The following UNC80 variants were observed in gnomAD, a reference collection of about 807,000 sequenced individuals.
The protein encoded by UNC80 is protein unc-80 homolog.
Under a neutral mutation model 384.6 loss-of-function variants are expected in UNC80, and 164 were observed. That is an observed-to-expected ratio of 0.43 (90% confidence interval 0.38 to 0.49). UNC80 has a LOEUF of 0.49. UNC80 is among the 20% of genes least tolerant of loss of function. The pLI, the probability that UNC80 is intolerant of heterozygous loss-of-function variation, is 0.00. For synonymous variants in UNC80, 1,486 were observed against 1,527.8 expected, an observed-to-expected ratio of 0.97 and a Z score of 0.64; for missense variants, 3,330 against 4,143.0, an observed-to-expected ratio of 0.80 and a Z score of 5.39.
Position 209,945,143 on chromosome 2 carries a change from A to G in UNC80, c.7143A>G (p.Leu2381=). 1 of 1,551,594 alleles carries G rather than the reference A, an allele frequency of 6.4e-7. No individual in the cohort carries two copies. Among genetic ancestry groups the G allele is most frequent in the Non-Finnish European group, 8.7e-7 (1 of 1,146,920 alleles). ...TAGAGGGAGAGACCACCGACATATT[A>G]GACATCTTAGAGCTGGTCAAAGCTG... The part of the protein sequence containing the change: ...QSLEGETTDI[L]DILELVKAEK... Residue 2381 remains leucine (L), a synonymous_variant, in exon 46 of 65, where the codon TTA becomes TTG. Coordinates refer to ENST00000673920, the MANE Select transcript of UNC80 (RefSeq NM_001371986.1).
intron 7 of UNC80, chr2:209,796,081 G>T (rs2078135246): frequency 6.6e-6 from 1 of 152,236 alleles, no homozygotes; most frequent in Non-Finnish European, 1.5e-5. Flanking sequence ...GAGGGAGGCT[G>T]TACCCTCCAA....
chr2:209,902,214 T>G (rs1353867069), intron 28 of UNC80, among the ~76,000 whole-genome samples: 1 of 152,156 alleles, frequency 6.6e-6, no homozygotes, highest in Admixed American at 6.5e-5. Flanking sequence ...GAACTAGAAT[T>G]AGAAGTGGAG....
chr2:209,964,987 A>C (rs1035803788), intron 51 of UNC80, among the ~76,000 whole-genome samples: 3 of 152,186 alleles, frequency 2.0e-5, no homozygotes, highest in Non-Finnish European at 4.4e-5. Context: ...TTAATTTGTT[A>C]AATGTCATAC....
rs1257720480 is a variant in UNC80 at position 209,776,048 on chromosome 2, T to A, written c.298+3T>A. 1.2e-6 allele frequency: 2 copies of A among 1,613,922 alleles called. No homozygotes were observed. Among genetic ancestry groups the A allele is most frequent in the African/African-American group, 2.7e-5 (2 of 74,934 alleles). On this transcript the variant is annotated splice_donor_region_variant and intron_variant, in intron 3 of 64. Transcript: ENST00000673920. ...GCTTTCAAACCGAAACAAGCTAGGT[T>A]GGTGCCCCGCATTACTTCTTTATTG...
intron 5 of UNC80, among the ~76,000 whole-genome samples, chr2:209,789,181 A>G (rs959176479): frequency 6.6e-6 from 1 of 152,158 alleles, no homozygotes; most frequent in Admixed American, 6.5e-5. Context: ...CTCAGAACGT[A>G]TCTTTGTCCT....
chr2:209,789,961 G>A (rs2077693193), intron 6 of UNC80, among the ~76,000 whole-genome samples: 1 of 151,622 alleles, frequency 6.6e-6, no homozygotes, highest in Non-Finnish European at 1.5e-5. Context: ...CTCAATTATT[G>A]CATCCCCTAA....
chr2:209,902,970 G>A (rs2087596066), intron 28 of UNC80, among the ~76,000 whole-genome samples: 1 of 145,746 alleles, frequency 6.9e-6, no homozygotes. Flanking sequence ...TATCCATGGG[G>A]ATTGGTTCCA....
At chr2:209,804,935 C>T (rs2153826575) in intron 7 of UNC80, among the ~76,000 whole-genome samples, 1 of 152,176 alleles carries the variant, frequency 6.6e-6, no homozygotes, top group African/African-American at 2.4e-5. Context: ...GTGCAACTCC[C>T]ACCCTTGGCT....
chr2:209,824,569 G>A (rs556589651), intron 13 of UNC80, among the ~76,000 whole-genome samples: 1 of 152,112 alleles, frequency 6.6e-6, no homozygotes, highest in East Asian at 1.9e-4. Context: ...ATAATGTTGG[G>A]TGAGGCAGCT....
intron 31 of UNC80, among the ~76,000 whole-genome samples, chr2:209,916,418 T>G (rs767592002): frequency 8.5e-5 from 13 of 152,186 alleles, no homozygotes; most frequent in Non-Finnish European, 1.8e-4. Context: ...CAAATACCAT[T>G]GGATCTGAGG....
chr2:209,976,198 G>A lies in UNC80; in HGVS notation c.8667G>A (p.Met2889Ile). ...GGCTGAGCCTCCAGGTGAAGGAGAT[G>A]GCTCTGCGGAAGGTGGGAGGCCTGG... Reference protein sequence around the residue: ...WYWLSLQVKEMALRKVGGLAL... With the variant: ...WYWLSLQVKEIALRKVGGLAL... Residue 2889 changes from methionine to isoleucine, a missense_variant, in exon 57 of 65, where the codon ATG becomes ATA. Transcript: ENST00000673920. The surrounding 1 kb of genome is among the most constrained non-coding windows in gnomAD (Gnocchi z 4.3). 1.3e-6 allele frequency: 2 copies of A among 1,551,676 alleles called. No individual in the cohort carries two copies. The highest frequency in any genetic ancestry group is 1.7e-6 in the Non-Finnish European group (2 of 1,146,992).
intron 45 of UNC80, 148 bp downstream of exon 45, chr2:209,943,662 C>T: frequency 1.0e-6 from 1 of 960,070 alleles, no homozygotes. Flanking sequence ...AGTCGAAAAA[C>T]TGTATAGTGA....
rs1316259825 is a variant in UNC80 at position 209,922,209 on chromosome 2, T to C, written c.5531-43T>C. The C allele has an allele frequency of 2.6e-6, 4 of 1,549,138 alleles. No homozygotes were observed. In the South Asian group the frequency reaches 4.8e-5, roughly 18 times the overall value. ...CAACAATGTGATAATAATAACTCTT[T>C]TGTTATAAAGCCAAAGTTCACATTC... On this transcript the variant is annotated intron_variant, in intron 34 of 64. Transcript: ENST00000673920.
chr2:209,879,129 C>A (rs2085050770), intron 24 of UNC80, among the ~76,000 whole-genome samples: 1 of 151,736 alleles, frequency 6.6e-6, no homozygotes, highest in Non-Finnish European at 1.5e-5. Context: ...TGACAAAACA[C>A]CAAATTATTA....
rs922116561 is a variant in UNC80 at position 209,973,226 on chromosome 2, G to A, written c.8543G>A (p.Arg2848His). The A allele has an allele frequency of 1.6e-5, 25 of 1,551,550 alleles. No individual in the cohort carries two copies. The Admixed American group carries it at 1.8e-4, about 11-fold the overall frequency. ...STPGDAGKDL[R>H]REGLAESTSQ... ...CCTGGGGATGCGGGGAAAGACTTGCGCAGGGAAGGGCTGGCTGAGTCCACC... is the reference window on the plus strand; with the variant it reads ...CCTGGGGATGCGGGGAAAGACTTGCACAGGGAAGGGCTGGCTGAGTCCACC... Residue 2848 changes from arginine (R) to histidine (H), a missense_variant, in exon 56 of 65, where the codon CGC becomes CAC. Arg to His is a conservative substitution (Grantham distance 29). Around this residue, in one of 8 missense-constraint regions of UNC80, gnomAD observed 1,049 missense variants for 1,488.6 expected, o/e 0.70. Transcript: ENST00000673920.
Position 209,954,273 on chromosome 2 carries a change from A to G in UNC80, c.7457+3A>G. 1 of 1,481,394 alleles carries G rather than the reference A, an allele frequency of 6.8e-7. No homozygotes were observed. The highest frequency in any genetic ancestry group is 9.0e-7 in the Non-Finnish European group (1 of 1,112,776). 91.8% of individuals were successfully genotyped at this position (1,481,394 alleles called of 1,614,324 possible). A position where few individuals can be genotyped will look rare whatever the true frequency, so the allele number is the denominator to read the frequency against. ...TACAGTGTAGAGGTCCTCACCAGGTAATCCCATTGGCAGAAATAGCTACAG... is the reference window on the plus strand; with the variant it reads ...TACAGTGTAGAGGTCCTCACCAGGTGATCCCATTGGCAGAAATAGCTACAG... On this transcript the variant is annotated splice_donor_region_variant and intron_variant, in intron 48 of 64. Transcript: ENST00000673920.
At chr2:209,995,275 C>A in intron 64 of UNC80, 54 bp from the exon 65 acceptor site, 1 of 1,528,072 alleles carries the variant, frequency 6.5e-7, no homozygotes, top group Non-Finnish European at 8.8e-7. Context: ...TTTTGATGTT[C>A]TTCTCTGGTA....
chr2:209,984,914 TAC>T lies in UNC80; in HGVS notation c.9314+4_9314+5del. 1 of 1,550,740 alleles carries T rather than the reference TAC, an allele frequency of 6.4e-7. No individual in the cohort carries two copies. Among genetic ancestry groups the T allele is most frequent in the Non-Finnish European group, 8.7e-7 (1 of 1,146,564 alleles). On this transcript the variant is annotated splice_donor_region_variant and intron_variant, in intron 61 of 64. Coordinates refer to ENST00000673920, the MANE Select transcript of UNC80 (RefSeq NM_001371986.1). ...GGCCGCCGAGGGCAGCCTCTCTAGG[TAC>T]AGTGTCAATGCTACCTGTCTATTGG...
At chr2:209,898,257 G>C (rs1377009358) in intron 28 of UNC80, among the ~76,000 whole-genome samples, 2 of 151,408 alleles carry the variant, frequency 1.3e-5, no homozygotes, top group Non-Finnish European at 2.9e-5. Context: ...TACTTTTTTT[G>C]AGTTTAATTT....
Sources: allele counts gnomAD v4.1 joint callset (sites outside exome capture counted in the v4.1 genomes callset), GRCh38; gene constraint gnomAD v4.1.1; regional missense constraint gnomAD v4.1.1; non-coding constraint Gnocchi (gnomAD v3.1); transcripts MANE v1.5; gene names NCBI Gene and HGNC (gene_info 2026-07-23, HGNC 2026-07-21).